RBM39: variants seen among roughly 807,000 people sequenced by gnomAD.
RBM39 encodes RNA binding motif protein 39.
A neutral mutation model predicts 79.6 loss-of-function variants in RBM39; 12 were observed. The observed-to-expected ratio is 0.15, with a 90% CI of 0.10 to 0.24. The LOEUF is 0.24. Ranked by LOEUF, RBM39 falls within the 10% of genes least tolerant of loss-of-function variation. The pLI, the probability that RBM39 is intolerant of heterozygous loss-of-function variation, is 1.00. For missense variants in RBM39, 243 were observed against 653.4 expected, an observed-to-expected ratio of 0.37 and a Z score of 6.85; for synonymous variants, 185 against 208.4, an observed-to-expected ratio of 0.89 and a Z score of 0.97.
At chr20:35,709,703 A>C (rs2036159762) in intron 12 of RBM39, among the ~76,000 whole-genome samples, 2 of 152,210 alleles carry the variant, frequency 1.3e-5, no homozygotes, top group Non-Finnish European at 2.9e-5. Flanking sequence ...AAAATTGTAA[A>C]TACTGCACAT....
intron 8 of RBM39, 100 bp downstream of exon 8, chr20:35,724,470 C>G: frequency 9.2e-7 from 1 of 1,083,646 alleles, no homozygotes. Context: ...TCCGACTCAA[C>G]GTAATGAGCA....
intron 3 of RBM39, among the ~76,000 whole-genome samples, chr20:35,735,818 T>TA (rs1331762924): frequency 2.0e-5 from 3 of 152,242 alleles, no homozygotes; most frequent in Admixed American, 1.3e-4. Context: ...GATCTTCCCT[T>TA]AGACAATCTC....
Position 35,726,855 on chromosome 20 carries a change from T to C in RBM39, c.417-1700A>G, listed in dbSNP as rs201523823. ...CTTTTTTTTCTTTTTGGAAACGCAG[T>C]CTAGCTGTCACCCAGGCTGGAGTGC... On this transcript the variant is annotated intron_variant, in intron 6 of 16. Coordinates refer to ENST00000253363, the MANE Select transcript of RBM39 (RefSeq NM_184234.3). Among the ~76,000 whole-genome samples, 2 of 152,110 alleles carry C rather than the reference T, an allele frequency of 1.3e-5. 1 individual carries two copies. The highest frequency in any genetic ancestry group is 3.8e-4 in the East Asian group (2 of 5,200).
At chr20:35,721,400 T>A (rs538048571) in intron 9 of RBM39, among the ~76,000 whole-genome samples, 1 of 152,330 alleles carries the variant, frequency 6.6e-6, no homozygotes, top group South Asian at 2.1e-4. Flanking sequence ...CATGGCTCAC[T>A]GCAACCTTGA....
rs1211262976 is a variant in RBM39 at position 35,703,562 on chromosome 20, C to T, written c.*919G>A. 6.6e-6 allele frequency: 1 copy of T among 152,534 alleles called. No homozygotes were observed. The highest frequency in any genetic ancestry group is 1.9e-4 in the East Asian group (1 of 5,200). The allele number at this position is 152,534 out of a possible 1,614,324, so 9.4% of individuals were successfully genotyped here. A position where few individuals can be genotyped will look rare whatever the true frequency, so the allele number is the denominator to read the frequency against. ...GAGACTAAAAGAAGCTAATTCTGTT[C>T]TCAAATTTCTGTAACTTTAAAACAT... On this transcript the variant is annotated 3_prime_UTR_variant, in exon 17 of 17. Transcript: ENST00000253363.
At chr20:35,720,266 C>T (rs1025881543) in intron 9 of RBM39, among the ~76,000 whole-genome samples, 2 of 152,168 alleles carry the variant, frequency 1.3e-5, no homozygotes, top group African/African-American at 4.8e-5. Context: ...GTAGATAGCA[C>T]AAAGTCCTCT....
rs1191372590 is a variant in RBM39 at position 35,702,445 on chromosome 20, A to G, written c.*2036T>C. 6.6e-6 allele frequency: 1 copy of G among 151,942 alleles called. No homozygotes were observed. The highest frequency in any genetic ancestry group is 1.9e-4 in the East Asian group (1 of 5,188). 9.4% of individuals were successfully genotyped at this position (151,942 alleles called of 1,614,324 possible). On this transcript the variant is annotated 3_prime_UTR_variant, in exon 17 of 17. Coordinates refer to ENST00000253363, the MANE Select transcript of RBM39 (RefSeq NM_184234.3). The stretch of plus-strand genomic sequence containing the variant: ...ACCAAATTTCACTCTGGTAGCAACT[A>G]AATTTTGGCACAGATGAGATTAACC...
At chr20:35,727,118 C>T (rs1022450031) in intron 6 of RBM39, among the ~76,000 whole-genome samples, 2 of 151,868 alleles carry the variant, frequency 1.3e-5, no homozygotes, top group South Asian at 2.1e-4. Flanking sequence ...CCGGGAGTAG[C>T]GTGCAGATTG....
At chr20:35,729,889 C>G (rs1210152303) in intron 4 of RBM39, among the ~76,000 whole-genome samples, 1 of 151,678 alleles carries the variant, frequency 6.6e-6, no homozygotes, top group Admixed American at 6.6e-5. Flanking sequence ...ATAAATCCCT[C>G]TGAACTTCCC....
intron 12 of RBM39, among the ~76,000 whole-genome samples, chr20:35,712,792 C>T (rs996528130): frequency 3.3e-5 from 5 of 152,004 alleles, no homozygotes; most frequent in Admixed American, 6.6e-5. Context: ...CAATGAATTT[C>T]GACTAAAAAC....
At chr20:35,714,680 G>C (rs529343753) in intron 10 of RBM39, among the ~76,000 whole-genome samples, 3 of 152,314 alleles carry the variant, frequency 2.0e-5, no homozygotes, top group African/African-American at 7.2e-5. Flanking sequence ...GCTGGGTGCA[G>C]TGGCTCACAC....
chr20:35,721,737 T>C lies in RBM39; in HGVS notation c.825+3A>G. The C allele has an allele frequency of 6.2e-7, 1 of 1,613,936 alleles. No individual in the cohort carries two copies. Among genetic ancestry groups the C allele is most frequent in the Non-Finnish European group, 8.5e-7 (1 of 1,179,886 alleles). On this transcript the variant is annotated splice_donor_region_variant and intron_variant, in intron 9 of 16. Transcript: ENST00000253363. Reference sequence around the variant, plus strand: ...GAAGATTCATTGAAGAACCTGGACTTACTCTTCCAAAAGGCTCAAAGATCC... The same window carrying C: ...GAAGATTCATTGAAGAACCTGGACTCACTCTTCCAAAAGGCTCAAAGATCC...
At position 35,729,357 on chromosome 20, in the gene RBM39, C is replaced by T. The variant is rs781288675; in HGVS notation, c.371G>A (p.Arg124His). The stretch of plus-strand genomic sequence containing the variant: ...TCTGAATGGACTTTTGCTTCGGGAA[C>T]GTCGTCTGCTGCAAAGTTAAAAAGT... ...LPHSIKLSRRRSRSKSPFRKD... is the reference protein window; with the variant it reads ...LPHSIKLSRRHSRSKSPFRKD... Residue 124 changes from arginine (R) to histidine (H), a missense_variant, in exon 6 of 17, where the codon CGT becomes CAT. Arg to His is a conservative substitution (Grantham distance 29, BLOSUM62 0). Around this residue, in one of 4 missense-constraint regions of RBM39, gnomAD observed 115 missense variants for 184.1 expected, o/e 0.62. Coordinates refer to ENST00000253363, the MANE Select transcript of RBM39 (RefSeq NM_184234.3). The T allele has an allele frequency of 6.2e-7, 1 of 1,605,822 alleles. No homozygotes were observed. Among genetic ancestry groups the T allele is most frequent in the Admixed American group, 1.7e-5 (1 of 57,880 alleles).
chr20:35,706,324 ACT>A lies in RBM39; in HGVS notation c.1307+794_1307+795del, dbSNP rs566127945. 3.9e-3 allele frequency among the ~76,000 whole-genome samples: 598 copies of A among 152,196 alleles called. 1 individual carries two copies. The highest frequency in any genetic ancestry group is 0.02 in the Middle Eastern group (6 of 294). On this transcript the variant is annotated intron_variant, in intron 14 of 16. Coordinates refer to ENST00000253363, the MANE Select transcript of RBM39 (RefSeq NM_184234.3). ...CCACTATACTCCAACCTAGACTGAG[ACT>A]CTGGCTCCAACAAAAAAAGTTAAAT...
At chr20:35,731,860 A>G (rs2039404135) in intron 4 of RBM39, 81 bp downstream of exon 4, 3 of 1,285,922 alleles carry the variant, frequency 2.3e-6, no homozygotes, top group Admixed American at 2.0e-5. Flanking sequence ...AAAATTCACA[A>G]TTCAAATCAC....
chr20:35,731,872 C>G (rs949480223), intron 4 of RBM39, 69 bp downstream of exon 4: 2 of 1,346,938 alleles, frequency 1.5e-6, no homozygotes, highest in Non-Finnish European at 2.1e-6. Flanking sequence ...TCAAATCACT[C>G]AAGTTAAACT....
rs960829677 is a variant in RBM39, at chr20:35,701,846, T to G, written c.*2635A>C. 6.6e-6 allele frequency: 1 copy of G among 152,120 alleles called. No individual in the cohort carries two copies. The highest frequency in any genetic ancestry group is 1.5e-5 in the Non-Finnish European group (1 of 68,038). 9.4% of individuals were successfully genotyped at this position (152,120 alleles called of 1,614,324 possible). ...CTCTTGACCTCATGATCCACCCGCC[T>G]CCGCCTCCCAGTGTTCACATATACA... On this transcript the variant is annotated 3_prime_UTR_variant, in exon 17 of 17. Transcript: ENST00000253363.
At chr20:35,732,850 G>C (rs1379110404) in intron 3 of RBM39, 2 of 152,056 alleles carry the variant, frequency 1.3e-5, no homozygotes, top group Admixed American at 1.3e-4. Flanking sequence ...TCAAGTACTA[G>C]TACTGGTTCA....
chr20:35,733,505 A>T (rs1307142215), intron 3 of RBM39, among the ~76,000 whole-genome samples: 1 of 152,050 alleles, frequency 6.6e-6, no homozygotes, highest in Non-Finnish European at 1.5e-5. Flanking sequence ...GCTACTGTGG[A>T]GGCTGAGGCA....
Sources: gnomAD v4.1 joint callset for allele counts (sites outside exome capture counted in the v4.1 genomes callset) on GRCh38, gnomAD v4.1.1 for gene constraint, gnomAD v4.1.1 regional missense constraint, MANE v1.5 for transcripts, NCBI Gene and HGNC (gene_info 2026-07-23, HGNC 2026-07-21) for gene names.